LIPA: variants seen among roughly 807,000 people sequenced by gnomAD.
LIPA encodes lipase A, lysosomal acid type.
In LIPA, 26 loss-of-function variants were observed where a neutral mutation model predicts 40.6. That is an observed-to-expected ratio of 0.64 (90% CI 0.47 to 0.89). The LOEUF is 0.89. Among genes scored for constraint, LIPA ranks in the 40% least tolerant of loss-of-function variants. LIPA has a pLI of 0.00. For missense variants in LIPA, 455 were observed against 479.6 expected, an observed-to-expected ratio of 0.95 and a Z score of 0.48; for synonymous variants, 188 against 168.4, an observed-to-expected ratio of 1.12 and a Z score of -0.90.
At chr10:89,386,196 T>C (rs1162021814) in intron 2 of LIPA, among the ~76,000 whole-genome samples, 1 of 152,118 alleles carries the variant, frequency 6.6e-6, no homozygotes, top group African/African-American at 2.4e-5. Flanking sequence ...CATGCCACCA[T>C]GTACCACTTC....
rs1842603053 is a variant in LIPA, at chr10:89,214,955, G to A, written c.1073C>T (p.Thr358Ile). ...ATGGAACACCAAGTTGGTGATCTGAGTCAGTAAGATATTGACGTCGTAGAC... is the reference window on the plus strand; with the variant it reads ...ATGGAACACCAAGTTGGTGATCTGAATCAGTAAGATATTGACGTCGTAGAC... ...ADVYDVNILLTQITNLVFHES... is the reference protein window; with the variant it reads ...ADVYDVNILLIQITNLVFHES... The change falls in exon 10 of 10, where the codon ACT becomes ATT. Residue 358 changes from threonine to isoleucine, a missense_variant. By Grantham distance (89) the Thr-to-Ile change is moderately conservative. Transcript: ENST00000336233. The A allele has an allele frequency of 6.2e-7, 1 of 1,614,124 alleles. No individual in the cohort carries two copies. Among genetic ancestry groups the A allele is most frequent in the Non-Finnish European group, 8.5e-7 (1 of 1,179,964 alleles).
At chr10:89,366,059 G>A (rs1448062170) in intron 2 of LIPA, among the ~76,000 whole-genome samples, 7 of 152,116 alleles carry the variant, frequency 4.6e-5, no homozygotes, top group Non-Finnish European at 7.4e-5. Context: ...TCATTTTCAC[G>A]ATATTGATTC....
chr10:89,216,888 A>G (rs1019477107), intron 8 of LIPA, among the ~76,000 whole-genome samples: 2 of 152,214 alleles, frequency 1.3e-5, no homozygotes, highest in African/African-American at 4.8e-5. Context: ...TTTCTTGAGT[A>G]CTGGTATCAG....
intron 2 of LIPA, among the ~76,000 whole-genome samples, chr10:89,386,744 G>C (rs535477743): frequency 6.6e-5 from 10 of 152,304 alleles, no homozygotes; most frequent in African/African-American, 1.9e-4. Context: ...AGTAACAAGA[G>C]ATTTACAGTC....
intron 2 of LIPA, among the ~76,000 whole-genome samples, chr10:89,391,959 A>C (rs1844257771): frequency 1.3e-5 from 2 of 152,218 alleles, no homozygotes; most frequent in Admixed American, 1.3e-4. Context: ...TGGAGGTTGT[A>C]CTGGAATTTG....
chr10:89,244,052 G>A (rs907070839), intron 3 of LIPA, among the ~76,000 whole-genome samples: 6 of 152,064 alleles, frequency 3.9e-5, no homozygotes, highest in Non-Finnish European at 5.9e-5. Context: ...TGAGTGTTTT[G>A]AGCACAGGAA....
intron 1 of LIPA, among the ~76,000 whole-genome samples, chr10:89,341,346 A>G (rs1217555002): frequency 3.3e-5 from 5 of 152,196 alleles, no homozygotes; most frequent in Non-Finnish European, 5.9e-5. Context: ...GTCCCTTTCA[A>G]ACTGCCAGCA....
chr10:89,363,773 T>TAAAAA (rs1438126297), intron 2 of LIPA, among the ~76,000 whole-genome samples: 1 of 10,448 alleles, frequency 9.6e-5, no homozygotes, highest in East Asian at 7.5e-3. Context: ...CCAGACTCCA[T>TAAAAA]CAAAAAAAAA....
chr10:89,224,753 T>A (rs1174260253), intron 6 of LIPA, among the ~76,000 whole-genome samples: 1 of 152,162 alleles, frequency 6.6e-6, no homozygotes, highest in East Asian at 1.9e-4. Context: ...ATCTCCTACA[T>A]CCTCTGTGCA....
At chr10:89,273,329 G>T (rs573279193) in intron 1 of LIPA, among the ~76,000 whole-genome samples, 1 of 152,298 alleles carries the variant, frequency 6.6e-6, no homozygotes, top group South Asian at 2.1e-4. Flanking sequence ...AGAGGTAGGG[G>T]TTGCTGGATG....
rs116266611 is a variant in LIPA at position 89,353,626 on chromosome 10, G to C, written c.61+59165C>G. On this transcript the variant is annotated intron_variant, in intron 2 of 8. Coordinates refer to the LIPA transcript ENST00000371837. Reference sequence around the variant, plus strand: ...CCAACTTGCAAACCCCAAGTCAAAGGTTAAACCATGCACTTGAATCTCTTA... The same window carrying C: ...CCAACTTGCAAACCCCAAGTCAAAGCTTAAACCATGCACTTGAATCTCTTA... Among the ~76,000 whole-genome samples, 868 of 152,244 alleles carry C rather than the reference G, an allele frequency of 5.7e-3. 13 individuals are homozygous for C. Among genetic ancestry groups the C allele is most frequent in the African/African-American group, 0.02 (823 of 41,538 alleles).
chr10:89,304,600 G>A (rs1004923268), intron 1 of LIPA, among the ~76,000 whole-genome samples: 2 of 150,820 alleles, frequency 1.3e-5, no homozygotes, highest in South Asian at 2.1e-4. Flanking sequence ...TAGATACCAC[G>A]AAAAAAAAAT....
upstream of LIPA, among the ~76,000 whole-genome samples, chr10:89,254,489 C>G (rs1015066930): frequency 6.6e-6 from 1 of 152,198 alleles, no homozygotes; most frequent in South Asian, 2.1e-4. Flanking sequence ...CCTGAGCCAG[C>G]CCACAAAAGT....
chr10:89,353,179 G>A (rs1843969148), intron 2 of LIPA, among the ~76,000 whole-genome samples: 1 of 152,164 alleles, frequency 6.6e-6, no homozygotes, highest in Admixed American at 6.5e-5. Flanking sequence ...CCAATGCCAG[G>A]GAAGGGCCAT....
At chr10:89,296,885 C>T (rs964661006) in intron 1 of LIPA, among the ~76,000 whole-genome samples, 2 of 152,176 alleles carry the variant, frequency 1.3e-5, no homozygotes, top group Non-Finnish European at 2.9e-5. Flanking sequence ...TTACAAAACA[C>T]TATGGCTGTA....
At position 89,227,024 on chromosome 10, in the gene LIPA, C is replaced by G; in HGVS notation, c.429-20G>C. The G allele has an allele frequency of 7.2e-7, 1 of 1,397,200 alleles. No individual in the cohort carries two copies. Among genetic ancestry groups the G allele is most frequent in the South Asian group, 1.2e-5 (1 of 86,650 alleles). The allele number at this position is 1,397,200 out of a possible 1,614,324, so 86.6% of individuals were successfully genotyped here. On this transcript the variant is annotated intron_variant, in intron 4 of 9. Transcript: ENST00000336233. ...TCATAACTGTAATCCAAGAAAGGAA[C>G]TCTTTCATTGAAATAGTACATAAAA...
At chr10:89,268,495 C>T (rs972562978) in intron 1 of LIPA, among the ~76,000 whole-genome samples, 1 of 151,984 alleles carries the variant, frequency 6.6e-6, no homozygotes, top group African/African-American at 2.4e-5. Flanking sequence ...ATATAGTTAC[C>T]ATTTTGGTAT....
chr10:89,304,502 C>T (rs984770969), intron 1 of LIPA, among the ~76,000 whole-genome samples: 2 of 152,048 alleles, frequency 1.3e-5, no homozygotes, highest in Non-Finnish European at 2.9e-5. Context: ...AGTGATCCTG[C>T]CACATTGCAT....
Position 89,218,173 on chromosome 10 carries a change from A to G in LIPA, c.895-2164T>C, listed in dbSNP as rs143941871. Among the ~76,000 whole-genome samples, 419 of 152,328 alleles carry G rather than the reference A, an allele frequency of 2.8e-3. 1 individual carries two copies. Among genetic ancestry groups the G allele is most frequent in the African/African-American group, 9.2e-3 (382 of 41,586 alleles). On this transcript the variant is annotated intron_variant, in intron 8 of 9. Coordinates refer to ENST00000336233, the MANE Select transcript of LIPA (RefSeq NM_000235.4). ...TATATTTAGGTCTTGAATGGTAATA[A>G]AAATGTAAACGGGTTCAACTTTTCT...
Sources: allele counts gnomAD v4.1 joint callset (sites outside exome capture counted in the v4.1 genomes callset), GRCh38; gene constraint gnomAD v4.1.1; transcripts MANE v1.5; gene names NCBI Gene and HGNC (gene_info 2026-07-23, HGNC 2026-07-21).